FREM3: variants seen among roughly 807,000 people sequenced by gnomAD.
The protein encoded by FREM3 is FRAS1 related extracellular matrix 3, also known as FRAS1-related extracellular matrix protein 3.
Under a neutral mutation model 129.1 loss-of-function variants are expected in FREM3, and 105 were observed. The observed-to-expected ratio is 0.81, with a 90% CI of 0.69 to 0.96. The LOEUF (loss-of-function observed/expected upper bound fraction) is 0.96. Ranked by LOEUF, FREM3 falls within the 40% of genes least tolerant of loss-of-function variation. The pLI is 0.00. For missense variants in FREM3, 2,593 were observed against 2,666.3 expected (o/e 0.97, Z 0.61); for synonymous variants, 1,014 against 1,044.9 (o/e 0.97, Z 0.57).
intron 6 of FREM3, among the ~76,000 whole-genome samples, chr4:143,590,181 A>G (rs1301920760): frequency 6.6e-6 from 1 of 152,180 alleles, no homozygotes; most frequent in Non-Finnish European, 1.5e-5. Context: ...TGTCATCTGC[A>G]AACAGGGACA....
chr4:143,659,745 T>C (rs1739671499), intron 2 of FREM3, among the ~76,000 whole-genome samples: 2 of 151,260 alleles, frequency 1.3e-5, no homozygotes, highest in African/African-American at 4.9e-5. Context: ...CAGCACCTGT[T>C]GTCTCCTGAC....
rs183667339 is a variant in FREM3 at position 143,595,860 on chromosome 4, T to C, written c.6029-9867A>G. 5.7e-3 allele frequency among the ~76,000 whole-genome samples: 761 copies of C among 132,740 alleles called. 8 individuals are homozygous for C. Among genetic ancestry groups the C allele is most frequent in the African/African-American group, 0.02 (701 of 35,614 alleles). 87.1% of individuals were successfully genotyped at this position (132,740 alleles called of 152,430 possible). On this transcript the variant is annotated intron_variant, in intron 6 of 7. Transcript: ENST00000329798. ...CTGAGATCACGCCACTGCACTCCAGTCTGGGCGACAGAGCGAGACGCCATC... is the reference window on the plus strand; with the variant it reads ...CTGAGATCACGCCACTGCACTCCAGCCTGGGCGACAGAGCGAGACGCCATC...
At chr4:143,601,884 G>T (rs544752613) in intron 6 of FREM3, 2 of 151,970 alleles carry the variant, frequency 1.3e-5, no homozygotes, top group East Asian at 1.9e-4. Context: ...TTGACAGGGG[G>T]ATATTCAATC....
chr4:143,639,887 C>T (rs1315269616), intron 2 of FREM3, among the ~76,000 whole-genome samples: 1 of 152,096 alleles, frequency 6.6e-6, no homozygotes, highest in African/African-American at 2.4e-5. Context: ...AGTAACTGTG[C>T]CTTTCTTGAG....
chr4:143,661,675 T>G (rs984304995), intron 2 of FREM3, among the ~76,000 whole-genome samples: 7 of 152,234 alleles, frequency 4.6e-5, no homozygotes, highest in Non-Finnish European at 8.8e-5. Flanking sequence ...TACCAGTTCC[T>G]TCTTATACCT....
At chr4:143,665,816 A>G (rs956233980) in intron 2 of FREM3, among the ~76,000 whole-genome samples, 1 of 152,172 alleles carries the variant, frequency 6.6e-6, no homozygotes, top group Admixed American at 6.6e-5. Context: ...TCTGGATTTC[A>G]AAGTGTACTC....
Position 143,700,636 on chromosome 4 carries a change from G to T in FREM3, c.40C>A (p.Gln14Lys). ...AGGCAGGCGAGCGCCACAAGGAGCT[G>T]CCGGGGCGTCCCAGTCGGGTGCCGA... The part of the protein sequence containing the change: ...ASRHPTGTPR[Q>K]LLVALACLLL... Residue 14 changes from glutamine to lysine, a missense_variant, in exon 1 of 8, where the codon CAG becomes AAG. By Grantham distance (53) the Gln-to-Lys change is moderately conservative. Around this residue, in one of 2 missense-constraint regions of FREM3, gnomAD observed 2,276 missense variants for 2,267.2 expected, o/e 1.00. Transcript: ENST00000329798. The T allele has an allele frequency of 6.9e-7, 1 of 1,439,904 alleles. No homozygotes were observed. Among genetic ancestry groups the T allele is most frequent in the Non-Finnish European group, 9.1e-7 (1 of 1,101,000 alleles). The allele number at this position is 1,439,904 out of a possible 1,614,324, so 89.2% of individuals were successfully genotyped here.
At chr4:143,676,278 C>A (rs2149857494) in intron 2 of FREM3, among the ~76,000 whole-genome samples, 1 of 152,298 alleles carries the variant, frequency 6.6e-6, no homozygotes, top group African/African-American at 2.4e-5. Context: ...TAAACAGAAT[C>A]AAAGACAAAA....
intron 2 of FREM3, among the ~76,000 whole-genome samples, chr4:143,685,946 A>G (rs1416186421): frequency 1.3e-5 from 2 of 152,296 alleles, no homozygotes; most frequent in African/African-American, 4.8e-5. Context: ...AAACCATGGC[A>G]TGTGTATACC....
At position 143,698,868 on chromosome 4, in the gene FREM3, G is replaced by A; in HGVS notation, c.1808C>T (p.Ser603Phe). The part of the protein sequence containing the change: ...EEPQWELAPG[S>F]SHSGHYLGDL... ...CCCCAGGTAGTGGCCTGAGTGGGAG[G>A]AACCAGGGGCCAACTCCCACTGAGG... The change falls in exon 1 of 8, where the codon TCC (serine) becomes TTC (phenylalanine). Residue 603 changes from serine to phenylalanine, a missense_variant. Physicochemically the swap from Ser to Phe is radical, Grantham distance 155. This residue lies in a region of FREM3 where 2,276 missense variants were observed against 2,267.2 expected (regional missense o/e 1.00). Coordinates refer to ENST00000329798, the MANE Select transcript of FREM3 (RefSeq NM_001168235.2). 6.5e-7 allele frequency: 1 copy of A among 1,537,576 alleles called. No individual in the cohort carries two copies. The highest frequency in any genetic ancestry group is 1.2e-5 in the South Asian group (1 of 84,062).
chr4:143,679,642 A>C (rs1024911149), intron 2 of FREM3, among the ~76,000 whole-genome samples: 4 of 152,184 alleles, frequency 2.6e-5, no homozygotes, highest in Non-Finnish European at 5.9e-5. Context: ...GCAATTTCCT[A>C]TATTTCACAG....
chr4:143,700,547 C>G lies in FREM3; in HGVS notation c.129G>C (p.Ala43=). ...ASSLGTEPDP[A]LYLPARGALD... ...GCGCACCCCGGGCGGGCAGGTAAAG[C>G]GCCGGGTCGGGCTCGGTCCCAAGTG... Residue 43 remains alanine, a synonymous_variant, in exon 1 of 8, where the codon GCG becomes GCC. Coordinates refer to ENST00000329798, the MANE Select transcript of FREM3 (RefSeq NM_001168235.2). 1 of 1,518,678 alleles carries G rather than the reference C, an allele frequency of 6.6e-7. No homozygotes were observed. The allele number at this position is 1,518,678 out of a possible 1,614,324, so 94.1% of individuals were successfully genotyped here.
In FREM3 at chr4:143,696,280, G is replaced by A. The variant is rs1466041491; in HGVS notation, c.4396C>T (p.Arg1466Trp). The A allele has an allele frequency of 7.2e-6, 11 of 1,537,490 alleles. No homozygotes were observed. Among genetic ancestry groups the A allele is most frequent in the South Asian group, 5.9e-5 (5 of 84,058 alleles). ...SSDEHHFSIT[R>W]APSLGHLESS... ...TCTAAGTGACCCAGGCTTGGAGCCC[G>A]TGTAATGCTAAAGTGATGTTCATCA... The change falls in exon 1 of 8, where the codon CGG becomes TGG. Residue 1466 changes from arginine (R) to tryptophan (W), a missense_variant. Physicochemically the swap from Arg to Trp is moderately radical, Grantham distance 101. Coordinates refer to ENST00000329798, the MANE Select transcript of FREM3 (RefSeq NM_001168235.2).
chr4:143,662,007 T>G (rs1246856560), intron 2 of FREM3, among the ~76,000 whole-genome samples: 1 of 152,058 alleles, frequency 6.6e-6, no homozygotes, highest in Non-Finnish European at 1.5e-5. Flanking sequence ...TTGCTAGCAG[T>G]CTATCAATTT....
rs1270268636 is a variant in FREM3, at chr4:143,577,610, TTCAA to T, written c.6417_6420del (p.Asp2139GlufsTer4). 5 of 1,536,208 alleles carry T rather than the reference TTCAA, an allele frequency of 3.3e-6. No individual in the cohort carries two copies. In the East Asian group the frequency reaches 9.8e-5, roughly 30 times the overall value. ...GCTGTTTTTTTCCCTCTTAAAGTCT[TTCAA>T]TCAAAGGAACTACAAGCACTCTGCT... On this transcript the variant is annotated frameshift_variant and stop_lost, in exon 8 of 8. Coordinates refer to ENST00000329798, the MANE Select transcript of FREM3 (RefSeq NM_001168235.2). LOFTEE classifies it high-confidence loss of function.
Position 143,672,998 on chromosome 4 carries a change from C to CT in FREM3, c.5275+20114dup, listed in dbSNP as rs532601550. Among the ~76,000 whole-genome samples the CT allele has an allele frequency of 1.4e-4, 21 of 152,232 alleles. No homozygotes were observed. In the South Asian group the frequency reaches 4.4e-3, roughly 32 times the overall value. ...TATTCTAGTTAGCCATTTGTCTTATCTTTTTTCAAGGTTTTTAACTTCTTT... is the reference window on the plus strand; with the variant it reads ...TATTCTAGTTAGCCATTTGTCTTATCTTTTTTTCAAGGTTTTTAACTTCTTT... On this transcript the variant is annotated intron_variant, in intron 2 of 7. Coordinates refer to ENST00000329798, the MANE Select transcript of FREM3 (RefSeq NM_001168235.2).
At chr4:143,688,679 A>G (rs756812780) in intron 2 of FREM3, among the ~76,000 whole-genome samples, 14 of 152,236 alleles carry the variant, frequency 9.2e-5, no homozygotes, top group Non-Finnish European at 1.5e-4. Context: ...AAATAGGCAC[A>G]TAGACCAATG....
At chr4:143,634,947 A>G (rs1254947659) in intron 2 of FREM3, among the ~76,000 whole-genome samples, 2 of 152,104 alleles carry the variant, frequency 1.3e-5, no homozygotes, top group East Asian at 1.9e-4. Flanking sequence ...GGAGAACTCA[A>G]CTTCCTCCCT....
At chr4:143,679,857 A>G (rs1248223400) in intron 2 of FREM3, among the ~76,000 whole-genome samples, 1 of 152,120 alleles carries the variant, frequency 6.6e-6, no homozygotes, top group Admixed American at 6.6e-5. Flanking sequence ...TTAGCAACAA[A>G]TCCAATTGCT....
Sources: gnomAD v4.1 joint callset for allele counts (sites outside exome capture counted in the v4.1 genomes callset) on GRCh38, gnomAD v4.1.1 for gene constraint, gnomAD v4.1.1 regional missense constraint, MANE v1.5 for transcripts, NCBI Gene and HGNC (gene_info 2026-07-23, HGNC 2026-07-21) for gene names.